BOK: variants seen among roughly 807,000 people sequenced by gnomAD.
BOK encodes the protein BCL2 family apoptosis regulator BOK.
Under a neutral mutation model 18.3 loss-of-function variants are expected in BOK, and 20 were observed. The observed-to-expected ratio is 1.09, with a 90% CI of 0.77 to 1.59. The LOEUF (loss-of-function observed/expected upper bound fraction) is 1.59, where lower values mean the gene tolerates loss of function less well. Ranked by LOEUF, BOK falls within the 40% of genes most tolerant of loss-of-function variation. BOK has a pLI of 0.00. For missense variants in BOK, 348 were observed against 307.9 expected (o/e 1.13, Z -0.97); for synonymous variants, 173 against 142.4 (o/e 1.21, Z -1.53).
chr2:241,568,966 G>A (rs530665506), intron 3 of BOK, among the ~76,000 whole-genome samples: 1 of 151,034 alleles, frequency 6.6e-6, no homozygotes, highest in East Asian at 1.9e-4. Context: ...AGGGACCACT[G>A]CTGACTCCCT....
intron 2 of BOK, chr2:241,560,377 TG>T: frequency 1.2e-6 from 1 of 825,350 alleles, no homozygotes; most frequent in Non-Finnish European, 1.5e-6. Context: ...AGAGGGCACA[TG>T]GGGCGCCTGT....
At chr2:241,558,182 A>G (rs2066469956), upstream of BOK, among the ~76,000 whole-genome samples, 1 of 137,262 alleles carries the variant, frequency 7.3e-6, no homozygotes, top group South Asian at 2.1e-4. Context: ...TATCTACACG[A>G]AAAAAAATGA....
At chr2:241,566,286 CT>C (rs1450608236) in intron 3 of BOK, among the ~76,000 whole-genome samples, 3 of 129,520 alleles carry the variant, frequency 2.3e-5, no homozygotes, top group African/African-American at 9.0e-5. Flanking sequence ...CCTATTCTTT[CT>C]TTTTTTTCTT....
At chr2:241,556,674 T>C (rs190110847), upstream of BOK, among the ~76,000 whole-genome samples, 2 of 151,754 alleles carry the variant, frequency 1.3e-5, no homozygotes, top group Non-Finnish European at 1.5e-5. Flanking sequence ...AGGAAAGTCA[T>C]AGCAGATAGA....
Position 241,562,327 on chromosome 2 carries a change from C to A in BOK, c.221-21C>A. 1 of 1,580,566 alleles carries A rather than the reference C, an allele frequency of 6.3e-7. No homozygotes were observed. The highest frequency in any genetic ancestry group is 8.6e-7 in the Non-Finnish European group (1 of 1,163,622). On this transcript the variant is annotated intron_variant, in intron 2 of 4. Transcript: ENST00000318407. This position sits in a 1 kb window ranked among gnomAD's most constrained non-coding sequence, Gnocchi z 4.5. ...AAGCTGGGACGTGGGCTGCCTCTCACCTGCTCTTGTGACCACACAGGCGAT... is the reference window on the plus strand; with the variant it reads ...AAGCTGGGACGTGGGCTGCCTCTCAACTGCTCTTGTGACCACACAGGCGAT...
chr2:241,565,390 C>T (rs935944857), intron 3 of BOK, among the ~76,000 whole-genome samples: 4 of 152,048 alleles, frequency 2.6e-5, no homozygotes, highest in Non-Finnish European at 5.9e-5. Context: ...AGGGCAGGGC[C>T]GCCCCTTCTG....
Position 241,572,661 on chromosome 2 carries a change from TCTC to T in BOK, c.*242_*244del. 2 of 583,332 alleles carry T rather than the reference TCTC, an allele frequency of 3.4e-6. No individual in the cohort carries two copies. Among genetic ancestry groups the T allele is most frequent in the Non-Finnish European group, 6.0e-6 (2 of 331,318 alleles). The allele number at this position is 583,332 out of a possible 1,614,324, so 36.1% of individuals were successfully genotyped here. A position where few individuals can be genotyped will look rare whatever the true frequency, so the allele number is the denominator to read the frequency against. The stretch of plus-strand genomic sequence containing the variant: ...TGCGACCCTCCCCGCTTGTGTCCCT[TCTC>T]CTGTGATCTCTGTGTTTTCCCTTTT... On this transcript the variant is annotated 3_prime_UTR_variant, in exon 5 of 5. Transcript: ENST00000318407.
At chr2:241,553,428 A>G (rs1235320932) in intron 1 of BOK, among the ~76,000 whole-genome samples, 2 of 152,224 alleles carry the variant, frequency 1.3e-5, no homozygotes, top group African/African-American at 2.4e-5. Flanking sequence ...CTGGGATTAC[A>G]GGTGTGAGCC....
At chr2:241,553,655 C>G (rs1335583720) in intron 1 of BOK, among the ~76,000 whole-genome samples, 4 of 152,138 alleles carry the variant, frequency 2.6e-5, no homozygotes, top group African/African-American at 9.7e-5. Flanking sequence ...CTCGTGAGAA[C>G]TCACTCACTA....
chr2:241,560,182 A>G, intron 2 of BOK: 1 of 985,348 alleles, frequency 1.0e-6, no homozygotes, highest in Non-Finnish European at 1.2e-6. Flanking sequence ...AAACCTCAGT[A>G]TTCGTTGGTG....
At chr2:241,551,883 A>T (rs1264439153) in intron 1 of BOK, among the ~76,000 whole-genome samples, 2 of 144,020 alleles carry the variant, frequency 1.4e-5, no homozygotes, top group Non-Finnish European at 3.0e-5. Flanking sequence ...CCCAGTATTC[A>T]CCTCGGCCAC....
In BOK at chr2:241,569,880, C is replaced by G. The variant is rs542009487; in HGVS notation, c.350-245C>G. Among the ~76,000 whole-genome samples, 5 of 152,332 alleles carry G rather than the reference C, an allele frequency of 3.3e-5. No homozygotes were observed. In the South Asian group the frequency reaches 1.0e-3, roughly 32 times the overall value. On this transcript the variant is annotated intron_variant, in intron 3 of 4. Transcript: ENST00000318407. ...TGCCCTCAGTTCCCTCGCCTCACCCCACGTTGTCCCTGCGGCCTCCTGCAC... is the reference window on the plus strand; with the variant it reads ...TGCCCTCAGTTCCCTCGCCTCACCCGACGTTGTCCCTGCGGCCTCCTGCAC...
rs771513154 is a variant in BOK, at chr2:241,572,305, C to T, written c.522C>T (p.Val174=). The T allele has an allele frequency of 1.4e-5, 22 of 1,611,490 alleles. No homozygotes were observed. In the South Asian group the frequency reaches 2.4e-4, roughly 18 times the overall value. ...TCCCTCTTCCCTCCCAGACTGATGT[C>T]CTCAAGTGTGTGGTCAGCACAGACC... The part of the protein sequence containing the change: ...WLRRRGGWTD[V]LKCVVSTDPG... The change falls in exon 5 of 5, where the codon GTC becomes GTT. Residue 174 remains valine, a synonymous_variant. Transcript: ENST00000318407.
At chr2:241,569,626 G>A (rs779149064) in intron 3 of BOK, among the ~76,000 whole-genome samples, 27 of 152,224 alleles carry the variant, frequency 1.8e-4, no homozygotes, top group African/African-American at 4.8e-4. Context: ...GTGTTGAGGC[G>A]TCGTGTCCTG....
intron 4 of BOK, among the ~76,000 whole-genome samples, chr2:241,571,926 G>T (rs752430869): frequency 3.3e-5 from 5 of 152,206 alleles, no homozygotes; most frequent in Non-Finnish European, 5.9e-5. Context: ...CATACCTGTA[G>T]CCCCTGGGGG....
intron 1 of BOK, among the ~76,000 whole-genome samples, chr2:241,551,837 T>G (rs1296766952): frequency 1.3e-5 from 2 of 151,282 alleles, no homozygotes; most frequent in African/African-American, 4.9e-5. Context: ...GCTGGGATGG[T>G]GGAGGTGTCT....
rs1352145699 is a variant in BOK, at chr2:241,558,819, G to A, written c.-204G>A. 1 of 151,080 alleles carries A rather than the reference G, an allele frequency of 6.6e-6. No individual in the cohort carries two copies. The highest frequency in any genetic ancestry group is 1.5e-5 in the Non-Finnish European group (1 of 67,640). The allele number at this position is 151,080 out of a possible 1,614,324, so 9.4% of individuals were successfully genotyped here. A position where few individuals can be genotyped will look rare whatever the true frequency, so the allele number is the denominator to read the frequency against. ...CGACGCCGCGGCAGGAGCCCCCCAAGAGCGCGGGAAGCCCCGTGGACCTGG... is the reference window on the plus strand; with the variant it reads ...CGACGCCGCGGCAGGAGCCCCCCAAAAGCGCGGGAAGCCCCGTGGACCTGG... On this transcript the variant is annotated 5_prime_UTR_variant, in exon 1 of 5. Transcript: ENST00000318407.
At chr2:241,560,312 C>A in intron 2 of BOK, 4 of 976,240 alleles carry the variant, frequency 4.1e-6, no homozygotes, top group Non-Finnish European at 4.9e-6. Flanking sequence ...CTGTCCAGTC[C>A]CCTCACCACA....
At chr2:241,564,146 GGCT>G (rs1287606069) in intron 3 of BOK, among the ~76,000 whole-genome samples, 2 of 152,270 alleles carry the variant, frequency 1.3e-5, no homozygotes, top group Non-Finnish European at 2.9e-5. Flanking sequence ...CGACCTGGCA[GGCT>G]GCTGGAGCGG....
Sources: allele counts gnomAD v4.1 joint callset (sites outside exome capture counted in the v4.1 genomes callset), GRCh38; gene constraint gnomAD v4.1.1; non-coding constraint Gnocchi (gnomAD v3.1); transcripts MANE v1.5; gene names NCBI Gene and HGNC (gene_info 2026-07-23, HGNC 2026-07-21).